ATM: variants seen among roughly 807,000 people sequenced by gnomAD.
The protein encoded by ATM is ATM serine/threonine kinase.
In ATM, 308 loss-of-function variants were observed where a neutral mutation model predicts 387.0. That is an observed-to-expected ratio of 0.80 (90% CI 0.73 to 0.87). The LOEUF is 0.87. Ranked by LOEUF, ATM falls within the 40% of genes least tolerant of loss-of-function variation. ATM has a pLI of 0.00. For synonymous variants in ATM, 1,156 were observed against 1,187.3 expected (o/e 0.97, Z 0.54); for missense variants, 3,312 against 3,560.9 (o/e 0.93, Z 1.78).
At position 108,272,600 on chromosome 11, in the gene ATM, T is replaced by G. The variant is rs1373504805; in HGVS notation, c.3146T>G (p.Leu1049Trp). 6.2e-7 allele frequency: 1 copy of G among 1,613,738 alleles called. No homozygotes were observed. Among genetic ancestry groups the G allele is most frequent in the South Asian group, 1.1e-5 (1 of 91,074 alleles). Residue 1049 changes from leucine (L) to tryptophan (W), a missense_variant, in exon 21 of 63, where the codon TTG becomes TGG. Around this residue, in one of 4 missense-constraint regions of ATM, gnomAD observed 1,791 missense variants for 1,804.5 expected, o/e 0.99. Transcript: ENST00000675843. ...RMALVNCLKTLLEADPYSKWA... is the reference protein window; with the variant it reads ...RMALVNCLKTWLEADPYSKWA... ...GCCCTAGTAAATTGCCTTAAAACTT[T>G]GCTTGAGGTGAGTTTTTGCATTTTT...
chr11:108,263,910 A>C (rs1403152591), intron 16 of ATM, among the ~76,000 whole-genome samples: 1 of 149,920 alleles, frequency 6.7e-6, no homozygotes, highest in Non-Finnish European at 1.5e-5. Context: ...GGACACATAC[A>C]CTCTCCCAAG....
rs2079253821 is a variant in ATM at position 108,235,895 on chromosome 11, A to C, written c.496+61A>C. On this transcript the variant is annotated intron_variant, in intron 5 of 62. Transcript: ENST00000675843. The stretch of plus-strand genomic sequence containing the variant: ...TCATGAAATGAAACTTCACCAAAGA[A>C]AGCACTCTGTCTGTATCTGTCTATA... The C allele has an allele frequency of 5.7e-6, 9 of 1,577,330 alleles. No homozygotes were observed. The East Asian group carries it at 2.0e-4, about 35-fold the overall frequency.
intron 61 of ATM, among the ~76,000 whole-genome samples, chr11:108,359,559 C>T (rs1180636651): frequency 6.6e-6 from 1 of 152,062 alleles, no homozygotes; most frequent in African/African-American, 2.4e-5. Flanking sequence ...AAGCTCTCCT[C>T]AGCAAATGTA....
rs1290026021 is a variant in ATM, at chr11:108,287,568, A to G, written c.3994-32A>G. The G allele has an allele frequency of 2.2e-6, 3 of 1,392,298 alleles. No individual in the cohort carries two copies. Among genetic ancestry groups the G allele is most frequent in the Admixed American group, 1.7e-5 (1 of 58,564 alleles). 86.2% of individuals were successfully genotyped at this position (1,392,298 alleles called of 1,614,324 possible). A position where few individuals can be genotyped will look rare whatever the true frequency, so the allele number is the denominator to read the frequency against. The stretch of plus-strand genomic sequence containing the variant: ...GTCTTGACGTTCACAGATATAAAAT[A>G]TTAAATATATTTTAATTTTGTGCCC... On this transcript the variant is annotated intron_variant, in intron 26 of 62. Coordinates refer to ENST00000675843, the MANE Select transcript of ATM (RefSeq NM_000051.4).
chr11:108,282,857 A>G lies in ATM; in HGVS notation c.3724A>G (p.Thr1242Ala), dbSNP rs1591641743. 4.0e-6 allele frequency: 6 copies of G among 1,510,438 alleles called. No individual in the cohort carries two copies. The South Asian group carries it at 5.7e-5, about 14-fold the overall frequency. 93.6% of individuals were successfully genotyped at this position (1,510,438 alleles called of 1,614,324 possible). ...SSFPFILLNY[T>A]NIEDFYRSCY... ...TTTTCCTTTTATTTTATTAAACTAC[A>G]CAAATATTGAGGATTTCTATAGGTA... Residue 1242 changes from threonine to alanine, a missense_variant, in exon 25 of 63, where the codon ACA (threonine) becomes GCA (alanine). By Grantham distance (58) the Thr-to-Ala change is moderately conservative. This residue lies in a region of ATM where 1,791 missense variants were observed against 1,804.5 expected (regional missense o/e 0.99). Transcript: ENST00000675843.
At chr11:108,357,260 G>T (rs1184198072) in intron 61 of ATM, among the ~76,000 whole-genome samples, 1 of 152,220 alleles carries the variant, frequency 6.6e-6, no homozygotes, top group Non-Finnish European at 1.5e-5. Flanking sequence ...GGCGCACCAC[G>T]AGATTATATC....
chr11:108,235,528 C>A, intron 4 of ATM, 142 bp from the exon 5 acceptor site: 1 of 724,040 alleles, frequency 1.4e-6, no homozygotes, highest in Non-Finnish European at 2.3e-6. Flanking sequence ...TTGCTTGGGG[C>A]CATAATTTGC....
At chr11:108,300,196 G>A (rs2083353685) in intron 34 of ATM, among the ~76,000 whole-genome samples, 1 of 152,168 alleles carries the variant, frequency 6.6e-6, no homozygotes, top group Non-Finnish European at 1.5e-5. Flanking sequence ...AATATAAAGG[G>A]AGATGTTTTA....
chr11:108,271,043 T>A, intron 18 of ATM, 21 bp from the exon 19 acceptor site: 1 of 1,602,698 alleles, frequency 6.2e-7, no homozygotes, highest in Non-Finnish European at 8.5e-7. Flanking sequence ...AACCTGATTT[T>A]TTTCCCTCCT....
chr11:108,232,327 C>T lies in ATM; in HGVS notation c.331+3004C>T, dbSNP rs118052980. Among the ~76,000 whole-genome samples, 27 of 152,110 alleles carry T rather than the reference C, an allele frequency of 1.8e-4. No individual in the cohort carries two copies. The East Asian group carries it at 4.8e-3, about 27-fold the overall frequency. ...AGGGAGTTACTATTCCCTCACCCCA[C>T]TTCAGTTGTTTTTGTTTGTTTGTTT... On this transcript the variant is annotated intron_variant, in intron 4 of 62. Transcript: ENST00000675843.
intron 1 of ATM, 57 bp from the exon 2 acceptor site, chr11:108,227,538 C>G (rs2135000876): frequency 1.9e-6 from 2 of 1,075,350 alleles, no homozygotes; most frequent in Admixed American, 1.8e-5. Flanking sequence ...ACCTCTTTCT[C>G]TCTATATATG....
intron 33 of ATM, chr11:108,299,394 T>C: frequency 3.5e-6 from 1 of 286,174 alleles, no homozygotes; most frequent in Non-Finnish European, 6.9e-6. Flanking sequence ...GCCTCCTGGG[T>C]TCAAGTGATT....
In ATM at chr11:108,272,729, C is replaced by T; in HGVS notation, c.3161C>T (p.Pro1054Leu). 6.2e-7 allele frequency: 1 copy of T among 1,613,912 alleles called. No homozygotes were observed. Among genetic ancestry groups the T allele is most frequent in the Non-Finnish European group, 8.5e-7 (1 of 1,179,918 alleles). The change falls in exon 22 of 63, where the codon CCT becomes CTT. Residue 1054 changes from proline (P) to leucine (L), a missense_variant. By Grantham distance (98) the Pro-to-Leu change is moderately conservative (BLOSUM62 -3). This residue lies in a region of ATM where 1,791 missense variants were observed against 1,804.5 expected (regional missense o/e 0.99). Coordinates refer to ENST00000675843, the MANE Select transcript of ATM (RefSeq NM_000051.4). ...NCLKTLLEAD[P>L]YSKWAILNVM... is the part of the protein sequence containing the mutation. ...ACAGTTCTTTTCCCGTAGGCTGATC[C>T]TTATTCAAAATGGGCCATTCTTAAT...
chr11:108,229,466 C>A (rs1591453240), intron 4 of ATM, 143 bp downstream of exon 4: 7 of 792,718 alleles, frequency 8.8e-6, no homozygotes, highest in Admixed American at 3.2e-5. Context: ...AGTGTAAGTA[C>A]ATATAATGAT....
chr11:108,346,717 A>G (rs895237558), intron 58 of ATM: 1 of 156,696 alleles, frequency 6.4e-6, no homozygotes, highest in African/African-American at 2.4e-5. Context: ...TTCCCTACCC[A>G]GTGTGTTTTT....
chr11:108,280,090 C>T (rs1304684736), intron 23 of ATM, among the ~76,000 whole-genome samples: 1 of 151,930 alleles, frequency 6.6e-6, no homozygotes, highest in African/African-American at 2.4e-5. Context: ...TTTATTTATG[C>T]CCTGGTTTGT....
At chr11:108,354,639 T>C (rs2089657313) in intron 60 of ATM, among the ~76,000 whole-genome samples, 172 bp from the exon 61 acceptor site, 1 of 152,216 alleles carries the variant, frequency 6.6e-6, no homozygotes, top group African/African-American at 2.4e-5. Flanking sequence ...TTGTATTCAT[T>C]TCAAACGTCT....
At chr11:108,227,534 TTCTC>T (rs1442006338) in intron 1 of ATM, 57 bp from the exon 2 acceptor site, 60 of 1,060,556 alleles carry the variant, frequency 5.7e-5, no homozygotes, top group Non-Finnish European at 3.2e-5. Flanking sequence ...TCACACCTCT[TTCTC>T]TCTATATATG....
chr11:108,244,066 G>A lies in ATM; in HGVS notation c.610G>A (p.Gly204Arg), dbSNP rs147915571. The A allele has an allele frequency of 8.0e-5, 129 of 1,613,552 alleles. No individual in the cohort carries two copies. Among genetic ancestry groups the A allele is most frequent in the Admixed American group, 2.2e-4 (13 of 59,946 alleles). ...CAAAGGATGCTGTTCTCAGACTGAC[G>A]GATTAAATTCCAAATTTTTGGACTT... ...VTKGCCSQTD[G>R]LNSKFLDFFS... Residue 204 changes from glycine (G) to arginine (R), a missense_variant, in exon 6 of 63, where the codon GGA (glycine) becomes AGA (arginine). By Grantham distance (125) the Gly-to-Arg change is moderately radical (BLOSUM62 -2). Around this residue, in one of 4 missense-constraint regions of ATM, gnomAD observed 1,791 missense variants for 1,804.5 expected, o/e 0.99. Transcript: ENST00000675843.
Sources: allele counts gnomAD v4.1 joint callset (sites outside exome capture counted in the v4.1 genomes callset), GRCh38; gene constraint gnomAD v4.1.1; regional missense constraint gnomAD v4.1.1; transcripts MANE v1.5; gene names NCBI Gene and HGNC (gene_info 2026-07-23, HGNC 2026-07-21).